The following DDX4 variants were observed in gnomAD, a reference collection of about 807,000 sequenced individuals.
DDX4 encodes the protein probable ATP-dependent RNA helicase DDX4.
DDX4 carries 25 observed loss-of-function variants against 100.0 expected under a neutral mutation model. That is an observed-to-expected ratio of 0.25 (90% CI 0.18 to 0.35). The LOEUF is 0.35. Ranked by LOEUF, DDX4 falls within the 10% of genes least tolerant of loss-of-function variation. The pLI, the probability that DDX4 is intolerant of heterozygous loss-of-function variation, is 1.00. For synonymous variants in DDX4, 259 were observed against 275.7 expected (o/e 0.94, Z 0.60); for missense variants, 635 against 882.4 (o/e 0.72, Z 3.55).
At chr5:55,794,335 C>T (rs1173769456) in intron 17 of DDX4, among the ~76,000 whole-genome samples, 1 of 151,180 alleles carries the variant, frequency 6.6e-6, no homozygotes, top group Non-Finnish European at 1.5e-5. Flanking sequence ...TTACAGGCGC[C>T]TGCCACCACG....
intron 10 of DDX4, among the ~76,000 whole-genome samples, chr5:55,782,484 G>C (rs1200957941): frequency 6.6e-6 from 1 of 151,910 alleles, no homozygotes; most frequent in Non-Finnish European, 1.5e-5. Context: ...TGTAGTGCCA[G>C]CTACTCAGGA....
chr5:55,757,395 A>G (rs779088878), intron 3 of DDX4, among the ~76,000 whole-genome samples: 16 of 152,342 alleles, frequency 1.1e-4, no homozygotes, highest in Non-Finnish European at 2.1e-4. Context: ...TAATTCACTA[A>G]GAATAATGGT....
At chr5:55,782,953 C>T (rs1470674514) in intron 10 of DDX4, among the ~76,000 whole-genome samples, 1 of 151,678 alleles carries the variant, frequency 6.6e-6, no homozygotes, top group African/African-American at 2.4e-5. Context: ...TGCCACCACA[C>T]CTGGCTAATT....
intron 3 of DDX4, among the ~76,000 whole-genome samples, chr5:55,756,253 T>A (rs1759925598): frequency 1.3e-5 from 2 of 152,176 alleles, no homozygotes; most frequent in Admixed American, 6.6e-5. Flanking sequence ...TGGGAACTTG[T>A]TAGAAATGAA....
At chr5:55,762,484 T>C (rs889013586) in intron 4 of DDX4, among the ~76,000 whole-genome samples, 1 of 152,146 alleles carries the variant, frequency 6.6e-6, no homozygotes, top group Non-Finnish European at 1.5e-5. Context: ...ATGAAGTGAA[T>C]TTTGATAAGA....
intron 15 of DDX4, 51 bp from the exon 16 acceptor site, chr5:55,790,525 T>C (rs1742501093): frequency 8.4e-7 from 1 of 1,191,296 alleles, no homozygotes; most frequent in Non-Finnish European, 1.2e-6. Flanking sequence ...TAGAAACAGA[T>C]GCCTAATTTT....
intron 4 of DDX4, among the ~76,000 whole-genome samples, chr5:55,761,629 G>T (rs1239560800): frequency 1.3e-5 from 2 of 149,594 alleles, no homozygotes; most frequent in African/African-American, 4.9e-5. Flanking sequence ...TCTTTTTTGA[G>T]ACAGTTTTGC....
At chr5:55,798,650 T>A in intron 18 of DDX4, 79 bp downstream of exon 18, 1 of 1,357,982 alleles carries the variant, frequency 7.4e-7, no homozygotes, top group Non-Finnish European at 9.9e-7. Context: ...TAAAGAATTG[T>A]TTGGTCTGAC....
intron 3 of DDX4, 87 bp from the exon 4 acceptor site, chr5:55,760,113 T>C (rs1760224477): frequency 9.0e-6 from 13 of 1,436,736 alleles, no homozygotes; most frequent in Non-Finnish European, 1.2e-5. Context: ...ATTTCTCCTT[T>C]GCCACATGTG....
intron 7 of DDX4, 112 bp downstream of exon 7, chr5:55,768,052 A>G: frequency 1.0e-6 from 1 of 979,858 alleles, no homozygotes; most frequent in South Asian, 1.3e-5. Flanking sequence ...CTTTGAAGAA[A>G]AATACTTTGG....
At chr5:55,742,168 A>G (rs183523058) in intron 2 of DDX4, 1 of 456,320 alleles carries the variant, frequency 2.2e-6, no homozygotes, top group Admixed American at 2.3e-5. Flanking sequence ...TAATGTGGCA[A>G]TTATATAGTC....
chr5:55,813,594 A>G (rs1020524335), intron 18 of DDX4, 79 bp from the exon 19 acceptor site: 1 of 1,437,814 alleles, frequency 7.0e-7, no homozygotes, highest in Non-Finnish European at 9.1e-7. Flanking sequence ...TTCATATTCA[A>G]GCACTGCCTC....
chr5:55,798,133 A>G (rs899778789), intron 17 of DDX4, among the ~76,000 whole-genome samples: 5 of 152,112 alleles, frequency 3.3e-5, no homozygotes, highest in African/African-American at 1.2e-4. Flanking sequence ...GCTTTTTTTT[A>G]AGTGTTATAC....
At chr5:55,770,354 A>G (rs1741182193) in intron 7 of DDX4, among the ~76,000 whole-genome samples, 1 of 152,116 alleles carries the variant, frequency 6.6e-6, no homozygotes, top group African/African-American at 2.4e-5. Context: ...AAGAAATTGT[A>G]GATTATTTTT....
In DDX4 at chr5:55,773,185, C is replaced by T. The variant is rs564317130; in HGVS notation, c.394+5245C>T. 80 of 152,588 alleles carry T rather than the reference C, an allele frequency of 5.2e-4. 1 individual carries two copies. Among genetic ancestry groups the T allele is most frequent in the Middle Eastern group, 6.8e-3 (2 of 294 alleles). 9.5% of individuals were successfully genotyped at this position (152,588 alleles called of 1,614,324 possible). ...ATGGTGTCTTCTCTCTGTGTCCTCA[C>T]ATGGTGGATAAGGCCAGGCAGCTCT... On this transcript the variant is annotated intron_variant, in intron 7 of 21. Coordinates refer to ENST00000505374, the MANE Select transcript of DDX4 (RefSeq NM_024415.3).
At chr5:55,743,277 A>G (rs994949568) in intron 2 of DDX4, among the ~76,000 whole-genome samples, 1 of 152,002 alleles carries the variant, frequency 6.6e-6, no homozygotes, top group Non-Finnish European at 1.5e-5. Flanking sequence ...CTGTCTTCAC[A>G]TTGCACCTCC....
chr5:55,796,819 CTTTCTTTTTTTTTTTT>C (rs1742977607), intron 17 of DDX4, among the ~76,000 whole-genome samples: 2 of 63,440 alleles, frequency 3.2e-5, no homozygotes, highest in African/African-American at 4.9e-5. Context: ...TTTTTTCTTT[CTTTCTTTTTTTTTTTT>C]TTTTTTTTTT....
At chr5:55,766,721 C>CA (rs900449728) in intron 6 of DDX4, among the ~76,000 whole-genome samples, 1 of 152,132 alleles carries the variant, frequency 6.6e-6, no homozygotes, top group African/African-American at 2.4e-5. Context: ...TAATAACCTG[C>CA]AAGCTGTTTG....
rs574829625 is a variant in DDX4, at chr5:55,809,257, C to T, written c.1616-4416C>T. Among the ~76,000 whole-genome samples the T allele has an allele frequency of 4.6e-4, 70 of 152,320 alleles. 1 individual carries two copies. The highest frequency in any genetic ancestry group is 1.6e-3 in the African/African-American group (68 of 41,580). On this transcript the variant is annotated intron_variant, in intron 18 of 21. Coordinates refer to ENST00000505374, the MANE Select transcript of DDX4 (RefSeq NM_024415.3). Reference sequence around the variant, plus strand: ...GGAAAGGGAATTCCCTGACCCCTTGCGCTTCCCAGGTGAGGCGATGCCTGG... The same window carrying T: ...GGAAAGGGAATTCCCTGACCCCTTGTGCTTCCCAGGTGAGGCGATGCCTGG...
Sources: allele counts gnomAD v4.1 joint callset (sites outside exome capture counted in the v4.1 genomes callset), GRCh38; gene constraint gnomAD v4.1.1; transcripts MANE v1.5; gene names NCBI Gene and HGNC (gene_info 2026-07-23, HGNC 2026-07-21).